The following KALRN variants were observed in gnomAD, a reference collection of about 807,000 sequenced individuals.
KALRN encodes kalirin RhoGEF kinase, also known as kalirin.
In KALRN, 70 loss-of-function variants were observed where a neutral mutation model predicts 353.7. That is an observed-to-expected ratio of 0.20 (90% CI 0.16 to 0.24). The LOEUF (loss-of-function observed/expected upper bound fraction) is 0.24, where lower values mean the gene tolerates loss of function less well. Ranked by LOEUF, KALRN falls within the 10% of genes least tolerant of loss-of-function variation. The pLI, the probability that KALRN is intolerant of heterozygous loss-of-function variation, is 1.00. For synonymous variants in KALRN, 1,391 were observed against 1,434.8 expected (o/e 0.97, Z 0.69); for missense variants, 2,791 against 3,756.7 (o/e 0.74, Z 6.72).
At chr3:124,498,059 C>T (rs760471766) in intron 33 of KALRN, among the ~76,000 whole-genome samples, 5 of 152,172 alleles carry the variant, frequency 3.3e-5, no homozygotes, top group Non-Finnish European at 7.3e-5. Context: ...GAAGCAGGCT[C>T]AGAGAAACTA....
intron 42 of KALRN, among the ~76,000 whole-genome samples, 163 bp from the exon 43 acceptor site, chr3:124,659,202 C>T (rs987817678): frequency 1.3e-5 from 2 of 151,892 alleles, no homozygotes; most frequent in African/African-American, 4.9e-5. Flanking sequence ...TTGTTCATAA[C>T]AAGTGAACAG....
At chr3:124,490,621 G>A in intron 29 of KALRN, 73 bp from the exon 30 acceptor site, 24 of 1,410,842 alleles carry the variant, frequency 1.7e-5, no homozygotes, top group Non-Finnish European at 2.2e-5. Flanking sequence ...CTTTCTCCAA[G>A]AGGGGGGTGG....
At chr3:124,270,523 T>C (rs2074018968) in intron 5 of KALRN, among the ~76,000 whole-genome samples, 1 of 152,228 alleles carries the variant, frequency 6.6e-6, no homozygotes, top group Admixed American at 6.5e-5. Context: ...AATTAGTATA[T>C]GCAGTTTTTT....
intron 5 of KALRN, among the ~76,000 whole-genome samples, chr3:124,276,241 G>A (rs968696210): frequency 1.3e-5 from 2 of 152,200 alleles, no homozygotes; most frequent in African/African-American, 4.8e-5. Flanking sequence ...ACTGGGCATC[G>A]TGGTAGGCAG....
At chr3:124,717,415 A>C (rs145268246) in intron 59 of KALRN, 30 bp downstream of exon 59, 32 of 1,542,526 alleles carry the variant, frequency 2.1e-5, no homozygotes, top group African/African-American at 2.7e-5. Flanking sequence ...TGCTGGGCGC[A>C]GTGGCTCACG....
At chr3:124,369,888 T>C (rs2085590139) in intron 10 of KALRN, among the ~76,000 whole-genome samples, 1 of 152,110 alleles carries the variant, frequency 6.6e-6, no homozygotes, top group African/African-American at 2.4e-5. Context: ...GTGCCTGGCA[T>C]ATCCCGCTTA....
At position 124,471,061 on chromosome 3, in the gene KALRN, C is replaced by CCCTAAATAT. The variant is rs1184919153; in HGVS notation, c.4032-3601_4032-3593dup. On this transcript the variant is annotated intron_variant, in intron 25 of 59. Coordinates refer to ENST00000682506, the MANE Select transcript of KALRN (RefSeq NM_001388419.1). The stretch of plus-strand genomic sequence containing the variant: ...CAGCAAGGGCTTGGTAGGGAGTTCC[C>CCCTAAATAT]CCTAAATATAAGTCTCCAGGAGTGG... Among the ~76,000 whole-genome samples the CCCTAAATAT allele has an allele frequency of 1.6e-4, 24 of 152,062 alleles. No individual in the cohort carries two copies. In the East Asian group the frequency reaches 4.6e-3, roughly 29 times the overall value.
chr3:124,215,408 TAC>T (rs969639613), intron 1 of KALRN, among the ~76,000 whole-genome samples: 7 of 152,322 alleles, frequency 4.6e-5, no homozygotes, highest in Admixed American at 4.6e-4. Flanking sequence ...TTTCTGAGTT[TAC>T]TCCGTTCACT....
chr3:124,490,332 A>G (rs930262607), intron 29 of KALRN, among the ~76,000 whole-genome samples: 1 of 152,242 alleles, frequency 6.6e-6, no homozygotes, highest in African/African-American at 2.4e-5. Context: ...ACTCATAGCT[A>G]CAAGTCAGGA....
At chr3:124,247,123 T>A (rs1000376106) in intron 3 of KALRN, among the ~76,000 whole-genome samples, 3 of 152,178 alleles carry the variant, frequency 2.0e-5, no homozygotes, top group Non-Finnish European at 4.4e-5. Context: ...GTTACGACAC[T>A]TCAGTTTTGT....
chr3:124,213,341 T>C (rs2077051241), intron 1 of KALRN, among the ~76,000 whole-genome samples: 2 of 152,104 alleles, frequency 1.3e-5, no homozygotes. Context: ...TATTTCCTTA[T>C]CATCCATTAG....
intron 1 of KALRN, among the ~76,000 whole-genome samples, chr3:124,076,603 A>G (rs978082453): frequency 1.8e-4 from 28 of 151,890 alleles, no homozygotes; most frequent in African/African-American, 5.3e-4. Context: ...AATGTCCCCA[A>G]CTCCTGAGTC....
chr3:124,124,165 A>G (rs1474021461), intron 1 of KALRN, among the ~76,000 whole-genome samples: 1 of 152,236 alleles, frequency 6.6e-6, no homozygotes, highest in Non-Finnish European at 1.5e-5. Context: ...ATGCCTTAAG[A>G]ACATTTGTGG....
chr3:124,556,605 T>C (rs977073691), intron 33 of KALRN, among the ~76,000 whole-genome samples: 2 of 152,158 alleles, frequency 1.3e-5, no homozygotes, highest in Non-Finnish European at 2.9e-5. Flanking sequence ...TAGAGCAAAA[T>C]TGGAAACTGT....
intron 1 of KALRN, among the ~76,000 whole-genome samples, chr3:124,224,816 A>G (rs1470897901): frequency 6.6e-6 from 1 of 152,208 alleles, no homozygotes; most frequent in Non-Finnish European, 1.5e-5. Context: ...CTTAAAGGCC[A>G]ACAAATATGA....
intron 1 of KALRN, among the ~76,000 whole-genome samples, chr3:124,223,784 G>A (rs1040540999): frequency 2.0e-5 from 3 of 152,204 alleles, no homozygotes; most frequent in African/African-American, 7.2e-5. Context: ...TACCATTGCC[G>A]TGTAAGGTCA....
chr3:124,241,761 G>C (rs1262770652), intron 3 of KALRN, among the ~76,000 whole-genome samples: 2 of 152,168 alleles, frequency 1.3e-5, no homozygotes, highest in Admixed American at 1.3e-4. Flanking sequence ...CCAGTGCTCT[G>C]GCCTTCCAGC....
Position 124,395,141 on chromosome 3 carries a change from A to G in KALRN, c.1969A>G (p.Thr657Ala). The G allele has an allele frequency of 1.2e-6, 2 of 1,612,424 alleles. No individual in the cohort carries two copies. Among genetic ancestry groups the G allele is most frequent in the Non-Finnish European group, 1.7e-6 (2 of 1,178,872 alleles). The change falls in exon 12 of 60, where the codon ACA becomes GCA. Residue 657 changes from threonine (T) to alanine (A), a missense_variant. Thr to Ala is a moderately conservative substitution (Grantham distance 58). Coordinates refer to ENST00000682506, the MANE Select transcript of KALRN (RefSeq NM_001388419.1). ...CTCTGCTCTCTCTCTACAGTTGTGG[A>G]CATGGATGGAAGACCTTCAGAAGGA... ...SFHTHTKELW[T>A]WMEDLQKEML...
intron 13 of KALRN, among the ~76,000 whole-genome samples, chr3:124,402,865 A>C (rs2150138085): frequency 6.6e-6 from 1 of 152,252 alleles, no homozygotes; most frequent in Admixed American, 6.5e-5. Flanking sequence ...TTAGATTGTC[A>C]TTGTTGCCTT....
Sources: gnomAD v4.1 joint callset for allele counts (sites outside exome capture counted in the v4.1 genomes callset) on GRCh38, gnomAD v4.1.1 for gene constraint, MANE v1.5 for transcripts, NCBI Gene and HGNC (gene_info 2026-07-23, HGNC 2026-07-21) for gene names.